PHLDB2: variants seen among roughly 807,000 people sequenced by gnomAD.
The protein encoded by PHLDB2 is pleckstrin homology-like domain family B member 2.
In PHLDB2, 71 loss-of-function variants were observed where a neutral mutation model predicts 123.6. The ratio of observed to expected loss-of-function variants is 0.57; its 90% CI spans 0.47 to 0.70. PHLDB2 has a LOEUF of 0.70. Among genes scored for constraint, PHLDB2 ranks in the 30% least tolerant of loss-of-function variants. The pLI, the probability that PHLDB2 is intolerant of heterozygous loss-of-function variation, is 0.00. For missense variants in PHLDB2, 1,446 were observed against 1,519.5 expected (o/e 0.95, Z 0.80); for synonymous variants, 547 against 541.6 (o/e 1.01, Z -0.14).
chr3:111,967,868 G>T, intron 15 of PHLDB2, 44 bp downstream of exon 15: 1 of 1,535,656 alleles, frequency 6.5e-7, no homozygotes, highest in Non-Finnish European at 8.8e-7. Flanking sequence ...TTGCCCCCTG[G>T]TGGCAGTTCC....
rs368061284 is a variant in PHLDB2 at position 111,749,753 on chromosome 3, T to G, written c.-49+17050T>G. 1.4e-3 allele frequency among the ~76,000 whole-genome samples: 209 copies of G among 152,340 alleles called. 7 individuals are homozygous for G. In the South Asian group the frequency reaches 0.043, roughly 31 times the overall value. On this transcript the variant is annotated intron_variant, in intron 1 of 17. Coordinates refer to the PHLDB2 transcript ENST00000393923. ...GCCCAAATGAAAGAGCCTTTTTTCT[T>G]TAACAATAGTATCCTTGTTGAAAGT... is the stretch of plus-strand genomic sequence containing the variant.
chr3:111,922,968 C>A (rs750654942), intron 5 of PHLDB2, among the ~76,000 whole-genome samples: 1 of 152,090 alleles, frequency 6.6e-6, no homozygotes, highest in African/African-American at 2.4e-5. Context: ...GCACCCTCAC[C>A]CCCTGGGGTC....
intron 8 of PHLDB2, among the ~76,000 whole-genome samples, chr3:111,944,742 G>T (rs905452603): frequency 6.6e-6 from 1 of 151,956 alleles, no homozygotes; most frequent in South Asian, 2.1e-4. Flanking sequence ...GTGCAGTGGC[G>T]CGATCTCGGC....
chr3:111,743,299 G>A (rs968586443), intron 1 of PHLDB2, among the ~76,000 whole-genome samples: 1 of 152,168 alleles, frequency 6.6e-6, no homozygotes, highest in South Asian at 2.1e-4. Flanking sequence ...GTAGGAAAAA[G>A]AATTCAAACT....
At chr3:111,953,907 G>A in intron 11 of PHLDB2, 23 bp from the exon 12 acceptor site, 1 of 1,599,248 alleles carries the variant, frequency 6.3e-7, no homozygotes, top group South Asian at 1.1e-5. Flanking sequence ...CTTGCCTGAA[G>A]TACTCCCTCC....
intron 1 of PHLDB2, among the ~76,000 whole-genome samples, chr3:111,806,789 C>CT (rs1202494772): frequency 6.7e-4 from 98 of 146,008 alleles, no homozygotes; most frequent in African/African-American, 1.2e-3. Context: ...CCTAGCCCTT[C>CT]TTTTTTTTTT....
At chr3:111,919,363 A>G in intron 4 of PHLDB2, 148 bp downstream of exon 4, 1 of 765,872 alleles carries the variant, frequency 1.3e-6, no homozygotes, top group Non-Finnish European at 2.1e-6. Flanking sequence ...TAGAGTGAAA[A>G]TACCCTTTTT....
At chr3:111,799,815 T>A (rs1381326627) in intron 1 of PHLDB2, among the ~76,000 whole-genome samples, 1 of 152,214 alleles carries the variant, frequency 6.6e-6, no homozygotes, top group Admixed American at 6.5e-5. Context: ...TCAACACATG[T>A]CATAGAGTAC....
chr3:111,783,406 T>C (rs531748192), intron 1 of PHLDB2, among the ~76,000 whole-genome samples: 107 of 152,160 alleles, frequency 7.0e-4, no homozygotes, highest in Admixed American at 1.3e-3. Context: ...ATAAAAGAAT[T>C]ATTTTTCAAG....
chr3:111,941,905 C>G (rs1038097884), intron 8 of PHLDB2, among the ~76,000 whole-genome samples: 1 of 152,188 alleles, frequency 6.6e-6, no homozygotes, highest in African/African-American at 2.4e-5. Context: ...CCCAGCAGCC[C>G]GCACATATTT....
At chr3:111,823,966 A>G (rs1182605139) in intron 1 of PHLDB2, among the ~76,000 whole-genome samples, 1 of 152,204 alleles carries the variant, frequency 6.6e-6, no homozygotes, top group East Asian at 1.9e-4. Context: ...GATTACTCAT[A>G]AAAAGTTTCA....
chr3:111,958,951 C>T (rs1006422026), intron 12 of PHLDB2, among the ~76,000 whole-genome samples: 8 of 152,218 alleles, frequency 5.3e-5, no homozygotes, highest in African/African-American at 1.9e-4. Context: ...CTTATGACAT[C>T]CACATGCCAA....
At chr3:111,927,799 G>A (rs894433063) in intron 5 of PHLDB2, among the ~76,000 whole-genome samples, 22 of 152,120 alleles carry the variant, frequency 1.4e-4, no homozygotes, top group Non-Finnish European at 4.4e-5. Context: ...ATCAAGTATT[G>A]CACACTTAAA....
Position 111,732,810 on chromosome 3 carries a change from G to A in PHLDB2, c.-49+107G>A, listed in dbSNP as rs183150542. Reference sequence around the variant, plus strand: ...CTGAGGAGGGTCTGCTGGAGATATGGTAGACCCGGGTGTGTGTCTGAATTC... The same window carrying A: ...CTGAGGAGGGTCTGCTGGAGATATGATAGACCCGGGTGTGTGTCTGAATTC... On this transcript the variant is annotated intron_variant, in intron 1 of 17. Coordinates refer to the PHLDB2 transcript ENST00000393923. 1.9e-3 allele frequency: 1,674 copies of A among 895,416 alleles called. 9 individuals carry two copies. Among genetic ancestry groups the A allele is most frequent in the Non-Finnish European group, 1.4e-3 (809 of 582,550 alleles). The allele number at this position is 895,416 out of a possible 1,614,324, so 55.5% of individuals were successfully genotyped here. A position where few individuals can be genotyped will look rare whatever the true frequency, so the allele number is the denominator to read the frequency against.
At chr3:111,766,026 T>C (rs1267606988) in intron 1 of PHLDB2, among the ~76,000 whole-genome samples, 1 of 152,204 alleles carries the variant, frequency 6.6e-6, no homozygotes, top group Non-Finnish European at 1.5e-5. Flanking sequence ...TAAATTAAAA[T>C]TTATTATAGT....
At chr3:111,929,336 T>C (rs1442891494) in intron 5 of PHLDB2, among the ~76,000 whole-genome samples, 1 of 152,216 alleles carries the variant, frequency 6.6e-6, no homozygotes, top group Non-Finnish European at 1.5e-5. Flanking sequence ...TTATATTCTC[T>C]CTCAGTTTGG....
At chr3:111,819,243 G>A (rs76620504) in intron 1 of PHLDB2, among the ~76,000 whole-genome samples, 4,374 of 151,758 alleles carry the variant, frequency 0.029, 83 homozygotes, top group South Asian at 0.066. Flanking sequence ...GGGCTTCCAC[G>A]TATAAATGGG....
At chr3:111,873,707 C>G (rs2065457327) in intron 1 of PHLDB2, among the ~76,000 whole-genome samples, 1 of 152,054 alleles carries the variant, frequency 6.6e-6, no homozygotes, top group Non-Finnish European at 1.5e-5. Flanking sequence ...GTTCTGTTTC[C>G]CATTTTGTAT....
chr3:111,816,358 G>A (rs2062077062), intron 1 of PHLDB2, among the ~76,000 whole-genome samples: 6 of 152,208 alleles, frequency 3.9e-5, no homozygotes, highest in Admixed American at 3.9e-4. Flanking sequence ...AAAGGGAGCT[G>A]GGAGGGAGGC....
Sources: allele counts gnomAD v4.1 joint callset (sites outside exome capture counted in the v4.1 genomes callset), GRCh38; gene constraint gnomAD v4.1.1; transcripts MANE v1.5; gene names NCBI Gene and HGNC (gene_info 2026-07-23, HGNC 2026-07-21).